The following KIFAP3 variants were observed in gnomAD, a reference collection of about 807,000 sequenced individuals.
The protein encoded by KIFAP3 is kinesin-associated protein 3.
In KIFAP3, 68 loss-of-function variants were observed where a neutral mutation model predicts 106.5. The observed-to-expected ratio is 0.64, with a 90% confidence interval of 0.53 to 0.78. KIFAP3 has a LOEUF of 0.78. KIFAP3 is among the 30% of genes least tolerant of loss of function. The pLI is 0.00. For missense variants in KIFAP3, 780 were observed against 941.8 expected, an observed-to-expected ratio of 0.83 and a Z score of 2.25; for synonymous variants, 320 against 311.5, an observed-to-expected ratio of 1.03 and a Z score of -0.29.
intron 19 of KIFAP3, among the ~76,000 whole-genome samples, chr1:169,935,227 T>C (rs1173449073): frequency 6.6e-6 from 1 of 152,050 alleles, no homozygotes; most frequent in Non-Finnish European, 1.5e-5. Flanking sequence ...TATAGGTTTT[T>C]TTGTATAAAT....
rs1671643793 is a variant in KIFAP3 at position 170,070,353 on chromosome 1, A to G, written c.32+4083T>C. Among the ~76,000 whole-genome samples the G allele has an allele frequency of 1.3e-5, 2 of 152,150 alleles. 1 individual carries two copies. The highest frequency in any genetic ancestry group is 4.1e-4 in the South Asian group (2 of 4,834). On this transcript the variant is annotated intron_variant, in intron 1 of 19. Coordinates refer to ENST00000361580, the MANE Select transcript of KIFAP3 (RefSeq NM_014970.4). ...CCCTAAATAGCTGAAACAACCTTGA[A>G]AAAGAACAACAAAGTTGGAGGACTC...
chr1:169,939,404 G>A (rs980150842), intron 19 of KIFAP3, among the ~76,000 whole-genome samples: 2 of 152,140 alleles, frequency 1.3e-5, no homozygotes, highest in African/African-American at 4.8e-5. Context: ...ATACTGAGAC[G>A]AGAAGATTAA....
At chr1:169,954,227 T>A (rs1664887747) in intron 18 of KIFAP3, 117 bp from the exon 19 acceptor site, 3 of 657,900 alleles carry the variant, frequency 4.6e-6, no homozygotes. Flanking sequence ...AATGTTAGCA[T>A]GACATGCTGT....
At chr1:169,941,262 G>A (rs1281066804) in intron 19 of KIFAP3, among the ~76,000 whole-genome samples, 1 of 152,102 alleles carries the variant, frequency 6.6e-6, no homozygotes, top group South Asian at 2.1e-4. Flanking sequence ...CCCTGTGAGT[G>A]CTGCACCTCT....
chr1:169,982,682 G>A lies in KIFAP3; in HGVS notation c.1672+20C>T, dbSNP rs758404355. 2.0e-6 allele frequency: 3 copies of A among 1,496,782 alleles called. No homozygotes were observed. The highest frequency in any genetic ancestry group is 2.6e-5 in the South Asian group (2 of 75,642). The allele number at this position is 1,496,782 out of a possible 1,614,324, so 92.7% of individuals were successfully genotyped here. On this transcript the variant is annotated intron_variant, in intron 14 of 19. Coordinates refer to ENST00000361580, the MANE Select transcript of KIFAP3 (RefSeq NM_014970.4). ...GAAATAACTTAGTGATTATACAAAA[G>A]TGAAATACTTAGCACAAACCTGGTT...
intron 10 of KIFAP3, among the ~76,000 whole-genome samples, chr1:170,007,150 C>T (rs1471235292): frequency 1.3e-5 from 2 of 152,024 alleles, no homozygotes; most frequent in Non-Finnish European, 2.9e-5. Flanking sequence ...TGGCAATGTG[C>T]AGGTCACTGG....
chr1:169,930,769 T>C (rs996475675), intron 19 of KIFAP3, among the ~76,000 whole-genome samples: 5 of 152,218 alleles, frequency 3.3e-5, no homozygotes, highest in Non-Finnish European at 7.3e-5. Flanking sequence ...ATTGGGGTAT[T>C]CCCTATCTTT....
chr1:170,071,613 C>A (rs76237148), intron 1 of KIFAP3, among the ~76,000 whole-genome samples: 1,903 of 152,206 alleles, frequency 0.013, 27 homozygotes, highest in South Asian at 0.043. Flanking sequence ...GGCTTTATAA[C>A]AACCAACTCT....
intron 16 of KIFAP3, among the ~76,000 whole-genome samples, chr1:169,974,899 T>C (rs1666147238): frequency 1.3e-5 from 2 of 152,058 alleles, no homozygotes; most frequent in Non-Finnish European, 2.9e-5. Context: ...GGAGACTGGT[T>C]CTAGGATCCC....
At chr1:170,070,617 A>G (rs1482586491) in intron 1 of KIFAP3, among the ~76,000 whole-genome samples, 1 of 152,134 alleles carries the variant, frequency 6.6e-6, no homozygotes, top group African/African-American at 2.4e-5. Context: ...ATAGTCACAT[A>G]TAAAAGAATG....
rs117878144 is a variant in KIFAP3, at chr1:169,989,314, C to T, written c.1284+2841G>A. Among the ~76,000 whole-genome samples the T allele has an allele frequency of 1.3e-3, 187 of 147,846 alleles. 4 individuals carry two copies. The East Asian group carries it at 0.035, about 28-fold the overall frequency. ...TTCTATAAGTAAGTTTCCTATCCTT[C>T]TTGGTTTGCATTTATTTATCTTTTA... On this transcript the variant is annotated intron_variant, in intron 11 of 19. Transcript: ENST00000361580.
At chr1:169,990,558 T>C in intron 11 of KIFAP3, among the ~76,000 whole-genome samples, 1 of 152,276 alleles carries the variant, frequency 6.6e-6, no homozygotes, top group South Asian at 2.1e-4. Context: ...AATAATGTAA[T>C]ATTAAAAATC....
chr1:170,063,377 T>C (rs1253167569), intron 1 of KIFAP3, among the ~76,000 whole-genome samples: 1 of 152,220 alleles, frequency 6.6e-6, no homozygotes, highest in African/African-American at 2.4e-5. Flanking sequence ...ACTGGTTCTG[T>C]GATCCCCACC....
intron 19 of KIFAP3, among the ~76,000 whole-genome samples, chr1:169,952,106 A>C (rs1159700348): frequency 6.6e-6 from 1 of 152,004 alleles, no homozygotes; most frequent in African/African-American, 2.4e-5. Flanking sequence ...CTAGTATTTA[A>C]CCATGTTTAG....
At chr1:170,008,354 T>G (rs1374425442) in intron 10 of KIFAP3, among the ~76,000 whole-genome samples, 1 of 151,358 alleles carries the variant, frequency 6.6e-6, no homozygotes, top group Non-Finnish European at 1.5e-5. Flanking sequence ...GGGAGAAAAT[T>G]TTTGCAATCT....
At chr1:170,050,481 A>G (rs1670519222) in intron 2 of KIFAP3, among the ~76,000 whole-genome samples, 1 of 152,210 alleles carries the variant, frequency 6.6e-6, no homozygotes, top group African/African-American at 2.4e-5. Context: ...CAAATTCAGG[A>G]AATACAGAGA....
chr1:169,921,551 T>C lies in KIFAP3; in HGVS notation c.*125A>G, dbSNP rs769209419. 5 of 698,626 alleles carry C rather than the reference T, an allele frequency of 7.2e-6. No homozygotes were observed. In the Admixed American group the frequency reaches 7.6e-5, roughly 11 times the overall value. 43.3% of individuals were successfully genotyped at this position (698,626 alleles called of 1,614,324 possible). A position where few individuals can be genotyped will look rare whatever the true frequency, so the allele number is the denominator to read the frequency against. On this transcript the variant is annotated 3_prime_UTR_variant, in exon 20 of 20. Transcript: ENST00000361580. The stretch of plus-strand genomic sequence containing the variant: ...GGGTTAATCTGCAGCTAACAACATA[T>C]AAAAATAAAAACAAACACAGACCCA...
intron 10 of KIFAP3, 26 bp downstream of exon 10, chr1:170,016,436 C>T: frequency 1.3e-6 from 2 of 1,570,116 alleles, no homozygotes; most frequent in Non-Finnish European, 1.7e-6. Flanking sequence ...CCAGACAACA[C>T]TGTCATTAAT....
chr1:169,934,669 T>C (rs1156541742), intron 19 of KIFAP3, among the ~76,000 whole-genome samples: 1 of 152,270 alleles, frequency 6.6e-6, no homozygotes, highest in Non-Finnish European at 1.5e-5. Context: ...CTGGCACTTA[T>C]AAGCAAAGCT....
Sources: allele counts gnomAD v4.1 joint callset (sites outside exome capture counted in the v4.1 genomes callset), GRCh38; gene constraint gnomAD v4.1.1; transcripts MANE v1.5; gene names NCBI Gene and HGNC (gene_info 2026-07-23, HGNC 2026-07-21).